WWOX: variants seen among roughly 807,000 people sequenced by gnomAD.
WWOX encodes WW domain-containing oxidoreductase.
A neutral mutation model predicts 46.2 loss-of-function variants in WWOX; 69 were observed. The ratio of observed to expected loss-of-function variants is 1.49; its 90% CI spans 1.23 to 1.82. WWOX has a LOEUF of 1.82. Among genes scored for constraint, WWOX ranks in the 40% most tolerant of loss-of-function variants. WWOX has a pLI of 0.00. For missense variants in WWOX, 919 were observed against 542.6 expected (o/e 1.69, Z -6.89); for synonymous variants, 359 against 202.6 (o/e 1.77, Z -6.56).
chr16:78,460,751 G>A (rs7206779), intron 8 of WWOX, among the ~76,000 whole-genome samples: 6,474 of 152,252 alleles, frequency 0.043, 461 homozygotes, highest in African/African-American at 0.15. Context: ...GCAAGGATGG[G>A]ATCCACAAGA....
intron 6 of WWOX, among the ~76,000 whole-genome samples, chr16:78,411,452 C>T (rs1440705503): frequency 3.3e-5 from 5 of 152,000 alleles, no homozygotes; most frequent in South Asian, 2.1e-4. Flanking sequence ...GGGAATGGCA[C>T]GAATAAAGAC....
intron 8 of WWOX, among the ~76,000 whole-genome samples, chr16:78,716,860 G>C (rs143049915): frequency 6.6e-6 from 1 of 152,136 alleles, no homozygotes; most frequent in Non-Finnish European, 1.5e-5. Flanking sequence ...TGCAGCTTCA[G>C]CCAGGTTTGC....
intron 8 of WWOX, among the ~76,000 whole-genome samples, chr16:78,680,250 A>C (rs955867468): frequency 1.3e-5 from 2 of 152,022 alleles, no homozygotes; most frequent in African/African-American, 4.8e-5. Context: ...CTCTGCAGAA[A>C]ATACAAAAAT....
At chr16:78,625,292 T>C (rs2046286759) in intron 8 of WWOX, among the ~76,000 whole-genome samples, 1 of 152,102 alleles carries the variant, frequency 6.6e-6, no homozygotes, top group South Asian at 2.1e-4. Flanking sequence ...CTGACTGAGC[T>C]CCTCACTAAA....
intron 4 of WWOX, among the ~76,000 whole-genome samples, chr16:78,148,156 A>T (rs747170644): frequency 3.3e-5 from 5 of 152,210 alleles, no homozygotes; most frequent in Non-Finnish European, 7.3e-5. Flanking sequence ...TGAAGTGGCT[A>T]TAAATTAATT....
At chr16:78,738,520 A>G (rs1349917069) in intron 8 of WWOX, among the ~76,000 whole-genome samples, 1 of 152,108 alleles carries the variant, frequency 6.6e-6, no homozygotes, top group Non-Finnish European at 1.5e-5. Flanking sequence ...GGCATATGTT[A>G]AAATACAAAT....
intron 8 of WWOX, among the ~76,000 whole-genome samples, chr16:79,109,662 C>A (rs550893289): frequency 5.3e-5 from 8 of 152,154 alleles, no homozygotes; most frequent in African/African-American, 1.9e-4. Context: ...GGGTATTTCG[C>A]TCCAAGTTTG....
chr16:78,457,366 A>G (rs1279478218), intron 8 of WWOX, among the ~76,000 whole-genome samples: 3 of 152,188 alleles, frequency 2.0e-5, no homozygotes, highest in Admixed American at 6.5e-5. Context: ...CAAAGTAATG[A>G]CTAAGTACAG....
At chr16:78,570,606 G>A (rs1318458850) in intron 8 of WWOX, among the ~76,000 whole-genome samples, 1 of 152,126 alleles carries the variant, frequency 6.6e-6, no homozygotes, top group Non-Finnish European at 1.5e-5. Flanking sequence ...GAGCCACGAA[G>A]CCCAGCTGCT....
intron 8 of WWOX, among the ~76,000 whole-genome samples, chr16:79,057,270 T>A (rs1195789116): frequency 6.6e-6 from 1 of 152,206 alleles, no homozygotes; most frequent in Non-Finnish European, 1.5e-5. Flanking sequence ...CTTATGTTTA[T>A]TCCAGCTGAT....
intron 8 of WWOX, among the ~76,000 whole-genome samples, chr16:79,102,786 T>C (rs551562317): frequency 1.3e-5 from 2 of 152,250 alleles, no homozygotes; most frequent in East Asian, 3.9e-4. Context: ...ACCTAAAGAC[T>C]CTTTCTAGCT....
chr16:78,691,853 C>G (rs754322454), intron 8 of WWOX, among the ~76,000 whole-genome samples: 37 of 152,188 alleles, frequency 2.4e-4, no homozygotes, highest in Non-Finnish European at 4.4e-4. Flanking sequence ...TTGTATCTGC[C>G]AGAATTCCCA....
intron 8 of WWOX, chr16:79,110,947 C>A (rs940619695): frequency 6.6e-6 from 1 of 152,190 alleles, no homozygotes; most frequent in African/African-American, 2.4e-5. Flanking sequence ...GGCCTTAATT[C>A]TTCTTCATGG....
chr16:79,064,735 A>G (rs1475901453), intron 8 of WWOX, among the ~76,000 whole-genome samples: 2 of 152,214 alleles, frequency 1.3e-5, no homozygotes, highest in African/African-American at 4.8e-5. Flanking sequence ...TTCATGGGCT[A>G]CTATTCCATG....
At chr16:79,114,937 A>C (rs2049485013) in intron 8 of WWOX, among the ~76,000 whole-genome samples, 1 of 152,200 alleles carries the variant, frequency 6.6e-6, no homozygotes, top group African/African-American at 2.4e-5. Context: ...CTGCAGACTA[A>C]ATTATATACA....
chr16:79,183,043 G>C (rs1424107), intron 8 of WWOX, among the ~76,000 whole-genome samples: 63,896 of 152,020 alleles, frequency 0.42, 13,707 homozygotes, highest in Middle Eastern at 0.49. Flanking sequence ...GGTCACCCCT[G>C]CCGTCTTCCA....
intron 4 of WWOX, among the ~76,000 whole-genome samples, chr16:78,131,505 A>G (rs2033591964): frequency 6.6e-6 from 1 of 151,860 alleles, no homozygotes; most frequent in South Asian, 2.1e-4. Context: ...GTGAGCCACC[A>G]CATCTGGCGA....
chr16:78,889,794 C>A (rs974980261), intron 8 of WWOX, among the ~76,000 whole-genome samples: 3 of 152,136 alleles, frequency 2.0e-5, no homozygotes, highest in Non-Finnish European at 4.4e-5. Context: ...CAGCTGCCAC[C>A]CGAGGTTTAA....
At chr16:78,881,779 G>C (rs1435128458) in intron 8 of WWOX, among the ~76,000 whole-genome samples, 1 of 152,160 alleles carries the variant, frequency 6.6e-6, no homozygotes, top group Non-Finnish European at 1.5e-5. Flanking sequence ...CTTCTGCTCA[G>C]TTGGTTTCTA....
Sources: gnomAD v4.1 joint callset for allele counts (sites outside exome capture counted in the v4.1 genomes callset) on GRCh38, gnomAD v4.1.1 for gene constraint, MANE v1.5 for transcripts, NCBI Gene and HGNC (gene_info 2026-07-23, HGNC 2026-07-21) for gene names.